AUTS2: variants seen among roughly 807,000 people sequenced by gnomAD.
The protein encoded by AUTS2 is autism susceptibility gene 2 protein.
In AUTS2, 17 loss-of-function variants were observed where a neutral mutation model predicts 112.4. The observed-to-expected ratio is 0.15, with a 90% CI of 0.10 to 0.23. AUTS2 has a LOEUF of 0.23. Among genes scored for constraint, AUTS2 ranks in the 10% least tolerant of loss-of-function variants. The probability of loss-of-function intolerance (pLI) is 1.00; values close to 1 mark genes in which losing one functional copy is unlikely to be tolerated. For synonymous variants in AUTS2, 751 were observed against 702.7 expected, an observed-to-expected ratio of 1.07 and a Z score of -1.09; for missense variants, 1,510 against 1,701.6, an observed-to-expected ratio of 0.89 and a Z score of 1.98.
intron 1 of AUTS2, among the ~76,000 whole-genome samples, chr7:69,651,048 T>C (rs887131493): frequency 6.6e-6 from 1 of 152,184 alleles, no homozygotes; most frequent in African/African-American, 2.4e-5. Flanking sequence ...AACCTGAATC[T>C]TTTCTTAAAA....
At chr7:70,052,861 A>G (rs559708322) in intron 2 of AUTS2, among the ~76,000 whole-genome samples, 1 of 152,210 alleles carries the variant, frequency 6.6e-6, no homozygotes, top group Non-Finnish European at 1.5e-5. Context: ...AGTCACAGCC[A>G]GGATTAAAGT....
At chr7:69,921,204 C>A (rs1001915013) in intron 2 of AUTS2, among the ~76,000 whole-genome samples, 1 of 151,944 alleles carries the variant, frequency 6.6e-6, no homozygotes, top group African/African-American at 2.4e-5. Flanking sequence ...GTTGGATTGA[C>A]TAAGGAAGTT....
intron 4 of AUTS2, among the ~76,000 whole-genome samples, chr7:70,311,329 G>A (rs1789740142): frequency 6.6e-6 from 1 of 152,162 alleles, no homozygotes; most frequent in African/African-American, 2.4e-5. Flanking sequence ...TGACAGTTTT[G>A]CCATTATTAT....
At chr7:69,705,026 C>A (rs542552004) in intron 1 of AUTS2, among the ~76,000 whole-genome samples, 1 of 152,218 alleles carries the variant, frequency 6.6e-6, no homozygotes, top group East Asian at 1.9e-4. Context: ...ACCACCATGC[C>A]CGGCTAATTT....
At chr7:70,429,519 T>C (rs1480395080) in intron 4 of AUTS2, among the ~76,000 whole-genome samples, 1 of 152,198 alleles carries the variant, frequency 6.6e-6, no homozygotes, top group Admixed American at 6.5e-5. Flanking sequence ...AGATGGCTGG[T>C]GGCATGACTG....
rs1482880818 is a variant in AUTS2 at position 70,790,054 on chromosome 7, C to A, written c.2838C>A (p.Thr946=). ...LARVPSPYVR[T]PVVESARPNS... ...GGGTGCCGTCTCCCTACGTGCGGAC[C>A]CCGGTGGTGGAGAGTGCCAGGCCCA... Residue 946 remains threonine, a synonymous_variant, in exon 19 of 19, where the codon ACC becomes ACA. Coordinates refer to ENST00000342771, the MANE Select transcript of AUTS2 (RefSeq NM_015570.4). The surrounding 1 kb of genome is among the most constrained non-coding windows in gnomAD (Gnocchi z 7.6). 6.3e-6 allele frequency: 10 copies of A among 1,578,130 alleles called. No homozygotes were observed. The highest frequency in any genetic ancestry group is 5.7e-5 in the Admixed American group (3 of 53,072).
intron 2 of AUTS2, among the ~76,000 whole-genome samples, chr7:69,915,782 A>G (rs1795552762): frequency 6.6e-6 from 1 of 152,188 alleles, no homozygotes; most frequent in Admixed American, 6.5e-5. Context: ...GCTGGTGTGC[A>G]GTGGTGTGAT....
intron 4 of AUTS2, among the ~76,000 whole-genome samples, chr7:70,409,837 A>G (rs1353776198): frequency 1.3e-5 from 2 of 152,212 alleles, no homozygotes; most frequent in African/African-American, 4.8e-5. Flanking sequence ...TCCTTTCGGT[A>G]CACCTTTATA....
chr7:70,592,230 T>G (rs1802982684), intron 5 of AUTS2, among the ~76,000 whole-genome samples: 1 of 152,226 alleles, frequency 6.6e-6, no homozygotes, highest in South Asian at 2.1e-4. Context: ...CTTAACTTTT[T>G]GTCGTGAGCA....
intron 1 of AUTS2, among the ~76,000 whole-genome samples, chr7:69,859,169 G>C (rs1416613980): frequency 6.6e-6 from 1 of 152,096 alleles, no homozygotes; most frequent in Non-Finnish European, 1.5e-5. Context: ...TGCTTTCAAA[G>C]GAAGCAAAGA....
intron 2 of AUTS2, among the ~76,000 whole-genome samples, chr7:70,041,334 A>G (rs948080719): frequency 6.6e-5 from 10 of 152,318 alleles, no homozygotes; most frequent in Middle Eastern, 3.4e-3. Flanking sequence ...TCATTTTACA[A>G]TATGTCTCTA....
chr7:69,639,919 T>C (rs936524328), intron 1 of AUTS2, among the ~76,000 whole-genome samples: 1 of 152,208 alleles, frequency 6.6e-6, no homozygotes, highest in African/African-American at 2.4e-5. Flanking sequence ...TTGCTATATC[T>C]CTTACAGTCT....
intron 1 of AUTS2, among the ~76,000 whole-genome samples, chr7:69,691,440 C>T (rs895293964): frequency 6.6e-6 from 1 of 152,180 alleles, no homozygotes; most frequent in Non-Finnish European, 1.5e-5. Context: ...CTCCACTTCC[C>T]TCCTGCACCT....
intron 2 of AUTS2, among the ~76,000 whole-genome samples, chr7:69,931,066 G>C (rs1036797951): frequency 6.6e-6 from 1 of 151,876 alleles, no homozygotes; most frequent in African/African-American, 2.4e-5. Context: ...AGGGAGGTTT[G>C]TGCTTTTCCA....
chr7:70,406,622 G>A (rs1285403816), intron 4 of AUTS2, among the ~76,000 whole-genome samples: 1 of 152,190 alleles, frequency 6.6e-6, no homozygotes, highest in Non-Finnish European at 1.5e-5. Flanking sequence ...GCTCACGTGG[G>A]TGTATCTATG....
intron 1 of AUTS2, chr7:69,663,153 T>G (rs1035083979): frequency 6.6e-6 from 1 of 152,214 alleles, no homozygotes; most frequent in African/African-American, 2.4e-5. Context: ...ATATTAATAT[T>G]CCTATGCCTA....
At chr7:69,821,782 CA>C (rs1467635424) in intron 1 of AUTS2, among the ~76,000 whole-genome samples, 1 of 151,866 alleles carries the variant, frequency 6.6e-6, no homozygotes, top group Non-Finnish European at 1.5e-5. Context: ...CAGAAGGAAC[CA>C]ACTCTGGACA....
intron 4 of AUTS2, among the ~76,000 whole-genome samples, chr7:70,278,108 G>C (rs936446024): frequency 1.3e-5 from 2 of 152,050 alleles, no homozygotes; most frequent in African/African-American, 4.8e-5. Flanking sequence ...AGGTATACCT[G>C]TGCACATTAC....
At chr7:69,992,467 T>G (rs963038845) in intron 2 of AUTS2, among the ~76,000 whole-genome samples, 1 of 152,204 alleles carries the variant, frequency 6.6e-6, no homozygotes, top group Non-Finnish European at 1.5e-5. Flanking sequence ...CTTGATTGGA[T>G]GGTGATCCTC....
Sources: gnomAD v4.1 joint callset for allele counts (sites outside exome capture counted in the v4.1 genomes callset) on GRCh38, gnomAD v4.1.1 for gene constraint, Gnocchi (gnomAD v3.1) non-coding constraint, MANE v1.5 for transcripts, NCBI Gene and HGNC (gene_info 2026-07-23, HGNC 2026-07-21) for gene names.